The following IPCEF1 variants were observed in gnomAD, a reference collection of about 807,000 sequenced individuals.
IPCEF1 encodes interactor protein for cytohesin exchange factors 1.
A neutral mutation model predicts 50.9 loss-of-function variants in IPCEF1; 31 were observed. That is an observed-to-expected ratio of 0.61 (90% CI 0.46 to 0.82). IPCEF1 has a LOEUF of 0.82. Ranked by LOEUF, IPCEF1 falls within the 40% of genes least tolerant of loss-of-function variation. IPCEF1 has a pLI of 0.00. For synonymous variants in IPCEF1, 181 were observed against 192.0 expected (o/e 0.94, Z 0.47); for missense variants, 458 against 514.0 (o/e 0.89, Z 1.05).
chr6:154,163,054 C>A (rs1799152210), intron 11 of IPCEF1, among the ~76,000 whole-genome samples: 1 of 152,176 alleles, frequency 6.6e-6, no homozygotes, highest in African/African-American at 2.4e-5. Flanking sequence ...AATCCACCAG[C>A]AAAGGCTGAT....
chr6:154,322,564 G>A (rs147280558), intron 1 of IPCEF1, among the ~76,000 whole-genome samples: 3,207 of 151,936 alleles, frequency 0.021, 60 homozygotes, highest in Non-Finnish European at 0.032. Context: ...TTGGCCAGGC[G>A]TGTTGGCTCA....
intron 11 of IPCEF1, among the ~76,000 whole-genome samples, chr6:154,162,840 A>G (rs961692402): frequency 1.3e-5 from 2 of 152,154 alleles, no homozygotes; most frequent in African/African-American, 4.8e-5. Flanking sequence ...CAGCAGTTCC[A>G]CATCAACCCC....
At chr6:154,293,917 C>A (rs909909136) in intron 1 of IPCEF1, among the ~76,000 whole-genome samples, 1 of 152,126 alleles carries the variant, frequency 6.6e-6, no homozygotes, top group Non-Finnish European at 1.5e-5. Context: ...ATGTATCATT[C>A]ATTTTTCCCC....
intron 3 of IPCEF1, among the ~76,000 whole-genome samples, chr6:154,248,760 T>C (rs575569509): frequency 1.1e-4 from 17 of 152,280 alleles, no homozygotes; most frequent in Admixed American, 1.0e-3. Flanking sequence ...AATGAAGATA[T>C]TGATAATAAT....
intron 1 of IPCEF1, among the ~76,000 whole-genome samples, chr6:154,342,799 T>G (rs191589551): frequency 8.0e-4 from 122 of 152,140 alleles, no homozygotes; most frequent in African/African-American, 2.8e-3. Flanking sequence ...ATACTAAACC[T>G]CCTAAATATC....
At chr6:154,291,693 T>G (rs1782518029) in intron 1 of IPCEF1, among the ~76,000 whole-genome samples, 1 of 147,408 alleles carries the variant, frequency 6.8e-6, no homozygotes, top group Admixed American at 6.8e-5. Context: ...TTTTTTTTTT[T>G]TTTTTTTTTG....
intron 5 of IPCEF1, among the ~76,000 whole-genome samples, chr6:154,229,935 C>G (rs750739914): frequency 6.6e-6 from 1 of 152,178 alleles, no homozygotes; most frequent in Non-Finnish European, 1.5e-5. Flanking sequence ...ACCCTGAAAA[C>G]ATTCTGCTAA....
chr6:154,165,681 G>GCCT (rs1799371553), intron 11 of IPCEF1, among the ~76,000 whole-genome samples: 1 of 152,198 alleles, frequency 6.6e-6, no homozygotes. Context: ...GGTATTCAAG[G>GCCT]CCTTGTGTAA....
chr6:154,344,882 TTTG>T (rs1193654645), intron 1 of IPCEF1, among the ~76,000 whole-genome samples: 2 of 152,216 alleles, frequency 1.3e-5, no homozygotes, highest in African/African-American at 2.4e-5. Flanking sequence ...CTTTGGGTCT[TTTG>T]TTGTTGTTGT....
intron 2 of IPCEF1, among the ~76,000 whole-genome samples, chr6:154,266,465 G>T (rs1781756004): frequency 6.6e-6 from 1 of 151,164 alleles, no homozygotes; most frequent in Non-Finnish European, 1.5e-5. Context: ...TTAAAGTTGA[G>T]TTCATAAGAT....
chr6:154,202,661 T>C (rs1777165600), intron 9 of IPCEF1, among the ~76,000 whole-genome samples: 1 of 152,224 alleles, frequency 6.6e-6, no homozygotes, highest in South Asian at 2.1e-4. Flanking sequence ...GCTACAGGAC[T>C]GTCTGTAAGG....
At chr6:154,281,926 C>T in intron 2 of IPCEF1, among the ~76,000 whole-genome samples, 1 of 152,160 alleles carries the variant, frequency 6.6e-6, no homozygotes, top group East Asian at 1.9e-4. Context: ...ATAACCTGAA[C>T]CCAGAAGGTA....
intron 1 of IPCEF1, among the ~76,000 whole-genome samples, chr6:154,296,815 A>C (rs1238403825): frequency 1.3e-5 from 2 of 148,152 alleles, no homozygotes; most frequent in African/African-American, 2.5e-5. Flanking sequence ...GGCGACAGAG[A>C]GAGACTCCGT....
At chr6:154,269,992 C>T (rs1781862788) in intron 2 of IPCEF1, among the ~76,000 whole-genome samples, 1 of 152,064 alleles carries the variant, frequency 6.6e-6, no homozygotes, top group Non-Finnish European at 1.5e-5. Context: ...AAAAATAATC[C>T]TGGCAAAGGT....
At chr6:154,184,004 A>G (rs1393677162) in intron 10 of IPCEF1, among the ~76,000 whole-genome samples, 1 of 152,194 alleles carries the variant, frequency 6.6e-6, no homozygotes, top group Non-Finnish European at 1.5e-5. Flanking sequence ...TACACAATGT[A>G]GTACTGCTAA....
intron 1 of IPCEF1, among the ~76,000 whole-genome samples, chr6:154,352,981 C>T (rs983528510): frequency 6.6e-6 from 1 of 152,136 alleles, no homozygotes; most frequent in Non-Finnish European, 1.5e-5. Context: ...CAGGTTTAGA[C>T]GCAGTTATAA....
chr6:154,290,893 CTTT>C (rs3045866), intron 1 of IPCEF1, among the ~76,000 whole-genome samples: 3 of 127,284 alleles, frequency 2.4e-5, no homozygotes, highest in Admixed American at 8.4e-5. Context: ...AATATATTGC[CTTT>C]TTTTTTTTTT....
Position 154,157,168 on chromosome 6 carries a change from C to G in IPCEF1, c.*2660G>C, listed in dbSNP as rs1798750111. 1 of 152,224 alleles carries G rather than the reference C, an allele frequency of 6.6e-6. No homozygotes were observed. Among genetic ancestry groups the G allele is most frequent in the African/African-American group, 2.4e-5 (1 of 41,448 alleles). The allele number at this position is 152,224 out of a possible 1,614,324, so 9.4% of individuals were successfully genotyped here. A position where few individuals can be genotyped will look rare whatever the true frequency, so the allele number is the denominator to read the frequency against. On this transcript the variant is annotated 3_prime_UTR_variant, in exon 12 of 12. Transcript: ENST00000367220. ...GTGGCTTGAGGCCAAGAGAGAGAAG[C>G]CCATGTCTTCCTACATTAAGTGTCA...
chr6:154,272,269 A>G (rs529417385), intron 2 of IPCEF1, among the ~76,000 whole-genome samples: 2 of 152,378 alleles, frequency 1.3e-5, no homozygotes, highest in Non-Finnish European at 2.9e-5. Flanking sequence ...TTCATTATAC[A>G]AAACTATCCT....
Sources: gnomAD v4.1 joint callset for allele counts (sites outside exome capture counted in the v4.1 genomes callset) on GRCh38, gnomAD v4.1.1 for gene constraint, MANE v1.5 for transcripts, NCBI Gene and HGNC (gene_info 2026-07-23, HGNC 2026-07-21) for gene names.